MSANTD5: variants seen among roughly 807,000 people sequenced by gnomAD.
MSANTD5 encodes the protein uncharacterized protein MSANTD5.
chr5:178,697,196 T>C (rs1181916941), intron 1 of MSANTD5, among the ~76,000 whole-genome samples: 2 of 152,188 alleles, frequency 1.3e-5, no homozygotes, highest in Non-Finnish European at 2.9e-5. Context: ...GGCTCACGCC[T>C]GTAATCCCAG....
At chr5:178,705,646 T>C in the MSANTD5 span, among the ~76,000 whole-genome samples, 3 of 151,946 alleles carry the variant, frequency 2.0e-5, no homozygotes, top group African/African-American at 7.3e-5. Context: ...GGGCCCCGTA[T>C]CCCCAACTGC....
upstream of MSANTD5, among the ~76,000 whole-genome samples, chr5:178,698,183 A>G (rs1050943049): frequency 7.2e-5 from 11 of 152,228 alleles, no homozygotes; most frequent in African/African-American, 2.4e-4. Context: ...GGGACCCTCT[A>G]TGAGAAGCTC....
upstream of MSANTD5, among the ~76,000 whole-genome samples, chr5:178,701,456 G>T (rs1361735763): frequency 6.6e-6 from 1 of 151,888 alleles, no homozygotes; most frequent in Non-Finnish European, 1.5e-5. Flanking sequence ...CTATGTGAAG[G>T]AAGGTCCGCA....
chr5:178,698,049 A>C (rs941367356), upstream of MSANTD5, among the ~76,000 whole-genome samples: 1 of 152,248 alleles, frequency 6.6e-6, no homozygotes, highest in African/African-American at 2.4e-5. Context: ...GTTCGTGCTG[A>C]ATGGTCAGCT....
upstream of MSANTD5, among the ~76,000 whole-genome samples, chr5:178,701,676 AATAT>A (rs528162763): frequency 2.0e-5 from 3 of 147,890 alleles, no homozygotes; most frequent in African/African-American, 7.4e-5. Context: ...CCATCTCAAA[AATAT>A]ATATATATTT....
At chr5:178,697,347 G>T (rs201809869) in intron 1 of MSANTD5, among the ~76,000 whole-genome samples, 137 of 152,068 alleles carry the variant, frequency 9.0e-4, no homozygotes, top group African/African-American at 1.2e-3. Flanking sequence ...CCAGCTACTC[G>T]GGAGGCTGAG....
upstream of MSANTD5, among the ~76,000 whole-genome samples, chr5:178,699,197 C>G (rs575458018): frequency 5.9e-5 from 9 of 152,190 alleles, no homozygotes; most frequent in South Asian, 1.9e-3. Context: ...TTGCTGGAGG[C>G]AAATAGAAAC....
At chr5:178,698,658 C>A (rs1226755456), upstream of MSANTD5, among the ~76,000 whole-genome samples, 1 of 151,774 alleles carries the variant, frequency 6.6e-6, no homozygotes, top group African/African-American at 2.4e-5. Context: ...TGGCTCACTG[C>A]AGCCTCAAAC....
chr5:178,698,500 T>C (rs1026030796), upstream of MSANTD5, among the ~76,000 whole-genome samples: 1 of 152,176 alleles, frequency 6.6e-6, no homozygotes, highest in Non-Finnish European at 1.5e-5. Flanking sequence ...AGCACAATCC[T>C]AAGATTCACA....
At chr5:178,697,368 G>A (rs1365272917) in intron 1 of MSANTD5, among the ~76,000 whole-genome samples, 1 of 152,026 alleles carries the variant, frequency 6.6e-6, no homozygotes, top group Non-Finnish European at 1.5e-5. Flanking sequence ...GCAGGAGAAT[G>A]GCCTGAACCC....
At chr5:178,699,661 T>G (rs1422490088), upstream of MSANTD5, among the ~76,000 whole-genome samples, 1 of 152,204 alleles carries the variant, frequency 6.6e-6, no homozygotes. Context: ...TCCACCCACC[T>G]TGGCCTCCCA....
At chr5:178,702,098 A>AG (rs1238581522), upstream of MSANTD5, among the ~76,000 whole-genome samples, 118 of 151,246 alleles carry the variant, frequency 7.8e-4, no homozygotes, top group African/African-American at 2.7e-3. Context: ...AAAAAAAAAT[A>AG]AAAAAAGAAA....
chr5:178,698,481 A>T (rs1013169483), upstream of MSANTD5, among the ~76,000 whole-genome samples: 2 of 152,078 alleles, frequency 1.3e-5, no homozygotes. Flanking sequence ...GCTTGATTCC[A>T]CTCTACTCAG....
At chr5:178,703,924 T>C in the MSANTD5 span, among the ~76,000 whole-genome samples, 2 of 147,382 alleles carry the variant, frequency 1.4e-5, no homozygotes, top group Admixed American at 1.4e-4. Flanking sequence ...GACGTTGCAG[T>C]GAGCCGAGAT....
At chr5:178,702,093 A>T (rs72812606), upstream of MSANTD5, among the ~76,000 whole-genome samples, 32,596 of 150,798 alleles carry the variant, frequency 0.22, 4,165 homozygotes, top group South Asian at 0.36. Context: ...AAAAAAAAAA[A>T]AAATAAAAAA....
chr5:178,707,442 G>A, the MSANTD5 span, among the ~76,000 whole-genome samples: 6 of 151,200 alleles, frequency 4.0e-5, no homozygotes, highest in African/African-American at 1.5e-4. Flanking sequence ...CTTCTGGCGG[G>A]GCGCGGTGGC....
At chr5:178,703,213 C>T in the MSANTD5 span, among the ~76,000 whole-genome samples, 17 of 152,224 alleles carry the variant, frequency 1.1e-4, no homozygotes, top group East Asian at 3.9e-4. Flanking sequence ...GGCGTGGGCA[C>T]GCTCCCATGG....
At chr5:178,705,327 T>G in the MSANTD5 span, among the ~76,000 whole-genome samples, 3 of 152,130 alleles carry the variant, frequency 2.0e-5, no homozygotes, top group African/African-American at 2.4e-5. Flanking sequence ...ATTACAGGCA[T>G]GAGCCACCAC....
chr5:178,701,408 A>C (rs1368460158), upstream of MSANTD5, among the ~76,000 whole-genome samples: 4 of 152,068 alleles, frequency 2.6e-5, no homozygotes, highest in African/African-American at 9.7e-5. Context: ...ACAAGGTCGA[A>C]TACTGGGGGA....
Sources: allele counts gnomAD v4.1 joint callset (sites outside exome capture counted in the v4.1 genomes callset), GRCh38; gene constraint gnomAD v4.1.1; transcripts MANE v1.5; gene names NCBI Gene and HGNC (gene_info 2026-07-23, HGNC 2026-07-21).